Variants in MSH3 observed in about 807,000 individuals in gnomAD.
MSH3 encodes DNA mismatch repair protein Msh3.
MSH3 carries 106 observed loss-of-function variants against 123.3 expected under a neutral mutation model. The ratio of observed to expected loss-of-function variants is 0.86; its 90% confidence interval spans 0.73 to 1.01. The LOEUF is 1.01. Ranked by LOEUF, MSH3 falls within the 50% of genes least tolerant of loss-of-function variation. MSH3 has a pLI of 0.00. For missense variants in MSH3, 1,459 were observed against 1,347.6 expected, an observed-to-expected ratio of 1.08 and a Z score of -1.29; for synonymous variants, 515 against 481.4, an observed-to-expected ratio of 1.07 and a Z score of -0.91.
intron 8 of MSH3, among the ~76,000 whole-genome samples, chr5:80,688,787 C>G (rs1293900340): frequency 6.6e-6 from 1 of 150,940 alleles, no homozygotes; most frequent in Non-Finnish European, 1.5e-5. Flanking sequence ...AACAACAGGT[C>G]TTACTCATTA....
chr5:80,874,895 G>A (rs1311477016), intron 23 of MSH3, among the ~76,000 whole-genome samples: 1 of 152,124 alleles, frequency 6.6e-6, no homozygotes, highest in Admixed American at 6.6e-5. Context: ...CATTGCATTG[G>A]GATGGAATCT....
At chr5:80,868,696 A>G (rs965202032) in intron 22 of MSH3, among the ~76,000 whole-genome samples, 1 of 149,986 alleles carries the variant, frequency 6.7e-6, no homozygotes, top group Non-Finnish European at 1.5e-5. Flanking sequence ...CGATTAAATA[A>G]TCAGTACAGC....
At chr5:80,873,362 TA>T in intron 23 of MSH3, 75 bp downstream of exon 23, 1 of 1,474,502 alleles carries the variant, frequency 6.8e-7, no homozygotes, top group South Asian at 1.2e-5. Flanking sequence ...AGGAGCGTCC[TA>T]AAAATGAACA....
intron 18 of MSH3, 30 bp from the exon 19 acceptor site, chr5:80,792,703 A>G (rs988401632): frequency 7.5e-7 from 1 of 1,330,736 alleles, no homozygotes; most frequent in Admixed American, 1.7e-5. Flanking sequence ...TTCCATGCCT[A>G]GTAAATTGAA....
At chr5:80,672,609 T>C in intron 5 of MSH3, 132 bp from the exon 6 acceptor site, 1 of 831,804 alleles carries the variant, frequency 1.2e-6, no homozygotes, top group Non-Finnish European at 2.0e-6. Flanking sequence ...GTCAACTCCT[T>C]TAAACCCTAC....
intron 20 of MSH3, among the ~76,000 whole-genome samples, chr5:80,820,239 A>T (rs1188353860): frequency 6.6e-6 from 1 of 152,230 alleles, no homozygotes; most frequent in Non-Finnish European, 1.5e-5. Flanking sequence ...CACAAAGCTA[A>T]ATTTGTTCAG....
At chr5:80,765,005 G>C (rs1744100196) in intron 13 of MSH3, among the ~76,000 whole-genome samples, 1 of 152,152 alleles carries the variant, frequency 6.6e-6, no homozygotes, top group Admixed American at 6.5e-5. Flanking sequence ...CAGTGAGACA[G>C]CTGCTGCCAG....
chr5:80,855,322 G>A (rs1202886667), intron 21 of MSH3, among the ~76,000 whole-genome samples: 1 of 151,640 alleles, frequency 6.6e-6, no homozygotes, highest in Admixed American at 6.6e-5. Context: ...TCCTTAAATA[G>A]CCAATAAAAT....
At chr5:80,822,766 G>A (rs957569465) in intron 20 of MSH3, among the ~76,000 whole-genome samples, 1 of 152,156 alleles carries the variant, frequency 6.6e-6, no homozygotes, top group Non-Finnish European at 1.5e-5. Flanking sequence ...TGGGATAATG[G>A]CAGTGCCTTT....
intron 10 of MSH3, among the ~76,000 whole-genome samples, chr5:80,736,716 C>T (rs1005990970): frequency 1.3e-4 from 20 of 152,054 alleles, no homozygotes; most frequent in Middle Eastern, 3.2e-3. Flanking sequence ...GGGACCAGTC[C>T]GGCATAGAAA....
intron 8 of MSH3, among the ~76,000 whole-genome samples, chr5:80,682,825 T>C (rs1285627608): frequency 1.3e-5 from 2 of 150,222 alleles, no homozygotes; most frequent in Non-Finnish European, 3.0e-5. Flanking sequence ...TCTTATTCTT[T>C]CTATTTTTTT....
chr5:80,663,227 A>G (rs2112807445), intron 2 of MSH3, among the ~76,000 whole-genome samples: 1 of 152,336 alleles, frequency 6.6e-6, no homozygotes, highest in East Asian at 1.9e-4. Context: ...TACTTGGAAA[A>G]TTTGGAGTAA....
At chr5:80,865,165 C>T (rs1039087712) in intron 22 of MSH3, among the ~76,000 whole-genome samples, 2 of 152,124 alleles carry the variant, frequency 1.3e-5, no homozygotes, top group South Asian at 2.1e-4. Context: ...TCTCATTTGT[C>T]GTGGCAACCC....
intron 17 of MSH3, among the ~76,000 whole-genome samples, chr5:80,780,651 G>C (rs796322012): frequency 2.4e-4 from 36 of 152,190 alleles, no homozygotes; most frequent in African/African-American, 8.2e-4. Flanking sequence ...CAGATCACTT[G>C]AGGCCAAGAA....
At chr5:80,766,304 A>G (rs1744121027) in intron 13 of MSH3, among the ~76,000 whole-genome samples, 1 of 110,904 alleles carries the variant, frequency 9.0e-6, no homozygotes, top group Non-Finnish European at 1.9e-5. Flanking sequence ...CTAACATATT[A>G]TTGCTGTTGT....
intron 9 of MSH3, among the ~76,000 whole-genome samples, chr5:80,725,926 A>G (rs1313729606): frequency 6.6e-6 from 1 of 152,212 alleles, no homozygotes; most frequent in Non-Finnish European, 1.5e-5. Flanking sequence ...TGACATATTC[A>G]TCAGAGTGGA....
chr5:80,766,437 C>G (rs1207347006), intron 13 of MSH3, among the ~76,000 whole-genome samples: 1 of 147,686 alleles, frequency 6.8e-6, no homozygotes, highest in East Asian at 2.0e-4. Context: ...TCTCCGCCTT[C>G]CAGGCTCAAG....
intron 20 of MSH3, among the ~76,000 whole-genome samples, chr5:80,848,100 A>G (rs1232002740): frequency 1.3e-5 from 2 of 152,218 alleles, no homozygotes; most frequent in Non-Finnish European, 2.9e-5. Flanking sequence ...TTAGCCAGGC[A>G]TGCCTGTAGT....
chr5:80,849,018 C>G (rs1174025383), intron 20 of MSH3, among the ~76,000 whole-genome samples: 1 of 152,192 alleles, frequency 6.6e-6, no homozygotes, highest in East Asian at 1.9e-4. Flanking sequence ...AATGGGGGTA[C>G]AGGCATTGGG....
Sources: gnomAD v4.1 joint callset for allele counts (sites outside exome capture counted in the v4.1 genomes callset) on GRCh38, gnomAD v4.1.1 for gene constraint, MANE v1.5 for transcripts, NCBI Gene and HGNC (gene_info 2026-07-23, HGNC 2026-07-21) for gene names.